The following UTRN variants were observed in gnomAD, a reference collection of about 807,000 sequenced individuals.
The protein encoded by UTRN is dystrophin-related protein 1.
Under a neutral mutation model 463.9 loss-of-function variants are expected in UTRN, and 283 were observed. The ratio of observed to expected loss-of-function variants is 0.61; its 90% CI spans 0.55 to 0.67. UTRN has a LOEUF of 0.67. Ranked by LOEUF, UTRN falls within the 30% of genes least tolerant of loss-of-function variation. The pLI is 0.00. For synonymous variants in UTRN, 1,442 were observed against 1,431.5 expected (o/e 1.01, Z -0.17); for missense variants, 3,922 against 4,084.3 (o/e 0.96, Z 1.08).
chr6:144,346,850 A>G (rs1265275235), intron 2 of UTRN, among the ~76,000 whole-genome samples: 1 of 147,960 alleles, frequency 6.8e-6, no homozygotes, highest in East Asian at 1.9e-4. Context: ...TATCTCTATC[A>G]CTATCTCTCT....
intron 33 of UTRN, among the ~76,000 whole-genome samples, chr6:144,494,548 C>T (rs558126577): frequency 6.6e-6 from 1 of 152,344 alleles, no homozygotes; most frequent in African/African-American, 2.4e-5. Context: ...CCACTGCTGG[C>T]TCGCGCAGCC....
intron 51 of UTRN, among the ~76,000 whole-genome samples, chr6:144,668,958 G>A (rs1780712034): frequency 6.6e-6 from 1 of 152,150 alleles, no homozygotes; most frequent in Non-Finnish European, 1.5e-5. Context: ...TTTCTGCAGT[G>A]AGCTGTTTTA....
intron 51 of UTRN, among the ~76,000 whole-genome samples, chr6:144,592,888 T>C (rs1237917773): frequency 6.6e-6 from 1 of 152,210 alleles, no homozygotes; most frequent in Non-Finnish European, 1.5e-5. Context: ...CTGTGTGGGA[T>C]CAAATATTCT....
In UTRN at chr6:144,490,951, C is replaced by T. The variant is rs1331526586; in HGVS notation, c.4286C>T (p.Thr1429Ile). ...VLQRKLREVS[T>I]KFQLFQKPAN... Reference sequence around the variant, plus strand: ...CAGAGGAAACTCCGAGAGGTGTCCACAAAGTTCCAGCTTTTCCAGAAGCCA... The same window carrying T: ...CAGAGGAAACTCCGAGAGGTGTCCATAAAGTTCCAGCTTTTCCAGAAGCCA... Residue 1429 changes from threonine to isoleucine, a missense_variant, in exon 32 of 75, where the codon ACA becomes ATA. Thr to Ile is a moderately conservative substitution (Grantham distance 89). Transcript: ENST00000367545. 3 of 1,604,726 alleles carry T rather than the reference C, an allele frequency of 1.9e-6. No homozygotes were observed. Among genetic ancestry groups the T allele is most frequent in the Non-Finnish European group, 2.6e-6 (3 of 1,175,606 alleles).
At chr6:144,625,249 T>G (rs1469309565) in intron 51 of UTRN, among the ~76,000 whole-genome samples, 1 of 152,236 alleles carries the variant, frequency 6.6e-6, no homozygotes, top group East Asian at 1.9e-4. Context: ...CAACAATGAA[T>G]TAATAGAATC....
At chr6:144,385,196 T>C (rs1484019468) in intron 2 of UTRN, among the ~76,000 whole-genome samples, 1 of 152,088 alleles carries the variant, frequency 6.6e-6, no homozygotes, top group Non-Finnish European at 1.5e-5. Flanking sequence ...GGTTTTGGGG[T>C]GTCCTTAGGA....
At position 144,728,650 on chromosome 6, in the gene UTRN, G is replaced by A. The variant is rs1015674345; in HGVS notation, c.7810-1707G>A. On this transcript the variant is annotated intron_variant, in intron 53 of 74. Coordinates refer to ENST00000367545, the MANE Select transcript of UTRN (RefSeq NM_007124.3). ...AATTTAGTTGATTTGTGCTTGCTTC[G>A]CTGTCAGTCTTTGGTTTTATGGATC... 3.4e-5 allele frequency among the ~76,000 whole-genome samples: 5 copies of A among 148,008 alleles called. No individual in the cohort carries two copies. The South Asian group carries it at 6.3e-4, about 19-fold the overall frequency.
At chr6:144,753,391 G>A (rs1007290939) in intron 56 of UTRN, among the ~76,000 whole-genome samples, 1 of 152,088 alleles carries the variant, frequency 6.6e-6, no homozygotes, top group African/African-American at 2.4e-5. Flanking sequence ...GAGGTGAGAG[G>A]GTTGCTTGAG....
intron 53 of UTRN, among the ~76,000 whole-genome samples, chr6:144,727,646 C>A (rs62427197): frequency 0.013 from 1,905 of 152,266 alleles, 17 homozygotes; most frequent in Non-Finnish European, 0.02. Context: ...GTAGTCCCAG[C>A]TACTCAGGAG....
chr6:144,611,808 C>G (rs899423524), intron 51 of UTRN, among the ~76,000 whole-genome samples: 4 of 152,138 alleles, frequency 2.6e-5, no homozygotes, highest in African/African-American at 9.7e-5. Flanking sequence ...TTAACACAAT[C>G]TTTGTTAAAA....
chr6:144,437,543 T>C, intron 10 of UTRN, 22 bp from the exon 11 acceptor site: 2 of 1,575,202 alleles, frequency 1.3e-6, no homozygotes, highest in Non-Finnish European at 1.7e-6. Context: ...AGCTCACAAA[T>C]TATAACAATG....
chr6:144,333,351 C>T (rs1318067628), intron 2 of UTRN: 1 of 152,022 alleles, frequency 6.6e-6, no homozygotes, highest in East Asian at 1.9e-4. Context: ...TTTTTAGAGC[C>T]CATAAAATAG....
chr6:144,296,991 T>C (rs1804776312), intron 2 of UTRN, among the ~76,000 whole-genome samples: 1 of 152,200 alleles, frequency 6.6e-6, no homozygotes, highest in Non-Finnish European at 1.5e-5. Context: ...CAAACAGTCC[T>C]TTGGGTGGAA....
chr6:144,834,296 C>A (rs921550167), intron 69 of UTRN, among the ~76,000 whole-genome samples: 1 of 152,114 alleles, frequency 6.6e-6, no homozygotes, highest in African/African-American at 2.4e-5. Context: ...TACTCACATA[C>A]ACACATGTTC....
chr6:144,563,766 A>G (rs891057600), intron 50 of UTRN, among the ~76,000 whole-genome samples: 8 of 152,206 alleles, frequency 5.3e-5, no homozygotes, highest in African/African-American at 1.9e-4. Flanking sequence ...ATAGTCTTCT[A>G]TATTTTCCTC....
intron 9 of UTRN, among the ~76,000 whole-genome samples, chr6:144,433,967 G>A (rs1786247523): frequency 1.3e-5 from 2 of 152,158 alleles, no homozygotes. Flanking sequence ...CTGCAGTCTC[G>A]GCACTTTGGG....
chr6:144,352,486 A>G (rs751922755), intron 2 of UTRN, among the ~76,000 whole-genome samples: 59 of 152,156 alleles, frequency 3.9e-4, no homozygotes, highest in Non-Finnish European at 7.2e-4. Flanking sequence ...GGTTGAGGCA[A>G]TAGTTCTCAT....
chr6:144,355,137 G>A (rs1218035804), intron 2 of UTRN, among the ~76,000 whole-genome samples: 2 of 152,124 alleles, frequency 1.3e-5, no homozygotes, highest in Non-Finnish European at 2.9e-5. Context: ...AAAATGTGTG[G>A]AAAGCAGGTA....
chr6:144,523,264 C>T lies in UTRN; in HGVS notation c.5906+76C>T, dbSNP rs1796267768. On this transcript the variant is annotated intron_variant, in intron 41 of 74. Coordinates refer to ENST00000367545, the MANE Select transcript of UTRN (RefSeq NM_007124.3). Reference sequence around the variant, plus strand: ...ATGGGCGTGAAGAAGATCATGTGGACACTGAGATTAATGAGAACATGTTTC... The same window carrying T: ...ATGGGCGTGAAGAAGATCATGTGGATACTGAGATTAATGAGAACATGTTTC... 6 of 1,150,954 alleles carry T rather than the reference C, an allele frequency of 5.2e-6. No homozygotes were observed. In the South Asian group the frequency reaches 1.3e-4, roughly 25 times the overall value. The allele number at this position is 1,150,954 out of a possible 1,614,324, so 71.3% of individuals were successfully genotyped here.
Sources: allele counts gnomAD v4.1 joint callset (sites outside exome capture counted in the v4.1 genomes callset), GRCh38; gene constraint gnomAD v4.1.1; transcripts MANE v1.5; gene names NCBI Gene and HGNC (gene_info 2026-07-23, HGNC 2026-07-21).